The following DCLRE1A variants were observed in gnomAD, a reference collection of about 807,000 sequenced individuals.
DCLRE1A encodes DNA cross-link repair 1A protein.
DCLRE1A carries 64 observed loss-of-function variants against 91.9 expected under a neutral mutation model. That is an observed-to-expected ratio of 0.70 (90% CI 0.57 to 0.86). DCLRE1A has a LOEUF of 0.86. DCLRE1A is among the 40% of genes least tolerant of loss of function. The probability of loss-of-function intolerance (pLI) is 0.00; values close to 1 mark genes in which losing one functional copy is unlikely to be tolerated. For missense variants in DCLRE1A, 1,145 were observed against 1,213.3 expected (o/e 0.94, Z 0.84); for synonymous variants, 416 against 431.1 (o/e 0.96, Z 0.43).
Position 113,849,985 on chromosome 10 carries a change from C to T in DCLRE1A, c.1120G>A (p.Gly374Arg). 1.2e-6 allele frequency: 2 copies of T among 1,614,156 alleles called. No homozygotes were observed. Among genetic ancestry groups the T allele is most frequent in the Non-Finnish European group, 1.7e-6 (2 of 1,180,022 alleles). The change falls in exon 2 of 9, where the codon GGA becomes AGA. Residue 374 changes from glycine to arginine, a missense_variant. Transcript: ENST00000361384. ...SFLTRDKYDEGLYRFNSLNDL... is the reference protein window; with the variant it reads ...SFLTRDKYDERLYRFNSLNDL... ...TTTAGACTATTGAATCTATACAATC[C>T]TTCATCATACTTATCCCGAGTTAAG...
chr10:113,841,102 C>G (rs974440338), intron 7 of DCLRE1A, among the ~76,000 whole-genome samples: 1 of 152,218 alleles, frequency 6.6e-6, no homozygotes, highest in African/African-American at 2.4e-5. Flanking sequence ...CCAGAAAGAA[C>G]TGGAAAATGA....
Position 113,852,612 on chromosome 10 carries a change from A to T in DCLRE1A, c.460+111T>A, listed in dbSNP as rs564313567. On this transcript the variant is annotated intron_variant, in intron 1 of 8. Coordinates refer to ENST00000361384, the MANE Select transcript of DCLRE1A (RefSeq NM_014881.5). ...CTGGTATGGTGTTTCCCAGTGTCTC[A>T]TCTCTCTTTTAGGTTACTGCTTGCC... is the stretch of plus-strand genomic sequence containing the variant. 9 of 1,052,586 alleles carry T rather than the reference A, an allele frequency of 8.6e-6. No homozygotes were observed. The South Asian group carries it at 1.2e-4, about 14-fold the overall frequency. 65.2% of individuals were successfully genotyped at this position (1,052,586 alleles called of 1,614,324 possible). A position where few individuals can be genotyped will look rare whatever the true frequency, so the allele number is the denominator to read the frequency against.
chr10:113,854,336 T>C (rs1464979441), upstream of DCLRE1A: 1 of 152,336 alleles, frequency 6.6e-6, no homozygotes, highest in Non-Finnish European at 1.5e-5. Context: ...CTCTGGAGGT[T>C]ATCCCTACCC....
chr10:113,845,549 A>T (rs2134660128), intron 4 of DCLRE1A, 136 bp downstream of exon 4: 1 of 679,604 alleles, frequency 1.5e-6, no homozygotes, highest in East Asian at 2.8e-5. Flanking sequence ...TTATTTTTCA[A>T]AAGGAGAAAC....
Position 113,850,214 on chromosome 10 carries a change from T to G in DCLRE1A, c.891A>C (p.Glu297Asp). The G allele has an allele frequency of 1.2e-6, 2 of 1,614,186 alleles. No individual in the cohort carries two copies. Among genetic ancestry groups the G allele is most frequent in the Non-Finnish European group, 1.7e-6 (2 of 1,180,032 alleles). Residue 297 changes from glutamate (E) to aspartate (D), a missense_variant, in exon 2 of 9, where the codon GAA becomes GAC. Transcript: ENST00000361384. ...PLPENDFSDC[E>D]ISYSPLQSDE... ...CACTTTGAAGTGGAGAATAGGAGAT[T>G]TCACAGTCACTGAAGTCATTTTCTG...
chr10:113,849,678 T>C lies in DCLRE1A; in HGVS notation c.1427A>G (p.Tyr476Cys), dbSNP rs747944752. The change falls in exon 2 of 9, where the codon TAT (tyrosine) becomes TGT (cysteine). Residue 476 changes from tyrosine (Y) to cysteine (C), a missense_variant. Physicochemically the swap from Tyr to Cys is radical, Grantham distance 194. Coordinates refer to ENST00000361384, the MANE Select transcript of DCLRE1A (RefSeq NM_014881.5). Reference protein sequence around the residue: ...LKPFESQVEGYLSSQPTQNTI... With the variant: ...LKPFESQVEGCLSSQPTQNTI... ...ATTTTGGGTTGGTTGGGAAGAAAGA[T>C]ACCCTTCTACCTGACTTTCAAAAGG... 4 of 1,614,196 alleles carry C rather than the reference T, an allele frequency of 2.5e-6. No individual in the cohort carries two copies. Among genetic ancestry groups the C allele is most frequent in the Non-Finnish European group, 3.4e-6 (4 of 1,180,038 alleles).
rs761366836 is a variant in DCLRE1A at position 113,837,098 on chromosome 10, C to T, written c.2926G>A (p.Val976Ile). ...HSNKFTRIAD[V>I]IPQTKGNISI... The stretch of plus-strand genomic sequence containing the variant: ...ATGTTTCCTTTGGTCTGGGGAATAA[C>T]ATCTGCTATTCTAGTGAACTTGTTA... Residue 976 changes from valine to isoleucine, a missense_variant, in exon 8 of 9, where the codon GTT (valine) becomes ATT (isoleucine). Coordinates refer to ENST00000361384, the MANE Select transcript of DCLRE1A (RefSeq NM_014881.5). The T allele has an allele frequency of 1.9e-6, 3 of 1,612,130 alleles. No individual in the cohort carries two copies. The highest frequency in any genetic ancestry group is 2.5e-6 in the Non-Finnish European group (3 of 1,179,226).
chr10:113,853,207 A>G lies in DCLRE1A; in HGVS notation c.-25T>C. On this transcript the variant is annotated 5_prime_UTR_variant, in exon 1 of 9. Coordinates refer to ENST00000361384, the MANE Select transcript of DCLRE1A (RefSeq NM_014881.5). ...TGGCAAAATGATTTTATCATTCAAG[A>G]AGTATTAATCTTAAGTAAACTGAAA... The G allele has an allele frequency of 2.0e-6, 3 of 1,502,602 alleles. No homozygotes were observed. The South Asian group carries it at 4.1e-5, about 20-fold the overall frequency. The allele number at this position is 1,502,602 out of a possible 1,614,324, so 93.1% of individuals were successfully genotyped here. A position where few individuals can be genotyped will look rare whatever the true frequency, so the allele number is the denominator to read the frequency against.
chr10:113,840,498 T>C (rs928993450), intron 7 of DCLRE1A, among the ~76,000 whole-genome samples: 4 of 152,178 alleles, frequency 2.6e-5, no homozygotes, highest in Non-Finnish European at 4.4e-5. Context: ...TGCGCTTCAT[T>C]ACCTATTTTT....
At chr10:113,841,618 C>T in intron 6 of DCLRE1A, 58 bp from the exon 7 acceptor site, 1 of 1,505,540 alleles carries the variant, frequency 6.6e-7, no homozygotes, top group Non-Finnish European at 8.9e-7. Context: ...AAAAAAGTTA[C>T]AGCTTAAGCA....
chr10:113,841,367 T>C (rs1357755934), intron 7 of DCLRE1A, 39 bp downstream of exon 7: 10 of 1,594,442 alleles, frequency 6.3e-6, no homozygotes, highest in Non-Finnish European at 8.5e-6. Context: ...AGATTACCTT[T>C]TTTGTTCATC....
chr10:113,842,845 A>G (rs913701221), intron 5 of DCLRE1A, among the ~76,000 whole-genome samples: 1 of 152,180 alleles, frequency 6.6e-6, no homozygotes, highest in Non-Finnish European at 1.5e-5. Context: ...TCAAAAAATC[A>G]TATTGATAAG....
Position 113,850,052 on chromosome 10 carries a change from T to G in DCLRE1A, c.1053A>C (p.Leu351Phe), listed in dbSNP as rs144862289. 2.4e-5 allele frequency: 39 copies of G among 1,614,134 alleles called. No homozygotes were observed. Among genetic ancestry groups the G allele is most frequent in the Non-Finnish European group, 3.1e-5 (36 of 1,180,018 alleles). The change falls in exon 2 of 9, where the codon TTA becomes TTC. Residue 351 changes from leucine (L) to phenylalanine (F), a missense_variant. Coordinates refer to ENST00000361384, the MANE Select transcript of DCLRE1A (RefSeq NM_014881.5). The stretch of plus-strand genomic sequence containing the variant: ...GGCAGCTCTCATCCTGGTCCTTCAG[T>G]AAGGGACCATGTCGTTTTTTAAAAA... ...CGFFKKRHGP[L>F]LKDQDESCPK... is the part of the protein sequence containing the mutation.
rs781261574 is a variant in DCLRE1A, at chr10:113,853,044, G to C, written c.139C>G (p.Arg47Gly). ...GCGGCTCTTTTTCTGTTTCTACTCCGTTTTGACTGGTATTTTCCATCTGTT... is the reference window on the plus strand; with the variant it reads ...GCGGCTCTTTTTCTGTTTCTACTCCCTTTTGACTGGTATTTTCCATCTGTT... ...KATDGKYQSK[R>G]SRNRKRAAEA... Residue 47 changes from arginine to glycine, a missense_variant, in exon 1 of 9, where the codon CGG becomes GGG. Coordinates refer to ENST00000361384, the MANE Select transcript of DCLRE1A (RefSeq NM_014881.5). 2 of 1,613,596 alleles carry C rather than the reference G, an allele frequency of 1.2e-6. No homozygotes were observed. The highest frequency in any genetic ancestry group is 1.7e-6 in the Non-Finnish European group (2 of 1,179,968).
Position 113,853,277 on chromosome 10 carries a change from G to T in DCLRE1A, c.-95C>A. ...CAAAAAGTTATAGAATTATTTTGCT[G>T]AGAAAAAAAACAAAGGTAACAAAAC... On this transcript the variant is annotated 5_prime_UTR_variant, in exon 1 of 9. Transcript: ENST00000361384. 1 of 1,246,110 alleles carries T rather than the reference G, an allele frequency of 8.0e-7. No individual in the cohort carries two copies. Among genetic ancestry groups the T allele is most frequent in the Non-Finnish European group, 1.1e-6 (1 of 936,552 alleles). 77.2% of individuals were successfully genotyped at this position (1,246,110 alleles called of 1,614,324 possible). A position where few individuals can be genotyped will look rare whatever the true frequency, so the allele number is the denominator to read the frequency against.
chr10:113,850,072 T>A lies in DCLRE1A; in HGVS notation c.1033A>T (p.Lys345Ter). ...TTCAGTAAGGGACCATGTCGTTTTT[T>A]AAAAAAACCACAGCTGTCATCATCT... The part of the protein sequence containing the change: ...EEDDDSCGFF[K>*]KRHGPLLKDQ... Residue 345 changes from lysine (K) to a stop codon, truncating the protein, a stop_gained, in exon 2 of 9, where the codon AAA (lysine) becomes TAA (stop). Coordinates refer to ENST00000361384, the MANE Select transcript of DCLRE1A (RefSeq NM_014881.5). LOFTEE classifies it high-confidence loss of function. 1 of 1,613,674 alleles carries A rather than the reference T, an allele frequency of 6.2e-7. No homozygotes were observed.
intron 1 of DCLRE1A, among the ~76,000 whole-genome samples, chr10:113,851,718 T>A (rs914728847): frequency 2.0e-5 from 3 of 150,250 alleles, no homozygotes; most frequent in African/African-American, 7.3e-5. Flanking sequence ...ACATTATATC[T>A]ATACTTTTTT....
intron 4 of DCLRE1A, among the ~76,000 whole-genome samples, chr10:113,844,634 G>A (rs1845501686): frequency 6.6e-6 from 1 of 152,134 alleles, no homozygotes; most frequent in South Asian, 2.1e-4. Flanking sequence ...CCATAAAGTT[G>A]ACTTTAAAAA....
intron 1 of DCLRE1A, among the ~76,000 whole-genome samples, chr10:113,851,383 T>C (rs1254567443): frequency 1.3e-5 from 2 of 152,194 alleles, no homozygotes; most frequent in African/African-American, 4.8e-5. Context: ...AAATGTATTC[T>C]GAATCATAGC....
Sources: gnomAD v4.1 joint callset for allele counts (sites outside exome capture counted in the v4.1 genomes callset) on GRCh38, gnomAD v4.1.1 for gene constraint, MANE v1.5 for transcripts, NCBI Gene and HGNC (gene_info 2026-07-23, HGNC 2026-07-21) for gene names.